The following DOP1B variants were observed in gnomAD, a reference collection of about 807,000 sequenced individuals.
DOP1B encodes the protein protein DOP1B.
A neutral mutation model predicts 233.5 loss-of-function variants in DOP1B; 174 were observed. The ratio of observed to expected loss-of-function variants is 0.75; its 90% CI spans 0.66 to 0.85. The LOEUF is 0.85. Ranked by LOEUF, DOP1B falls within the 40% of genes least tolerant of loss-of-function variation. The pLI is 0.00. For missense variants in DOP1B, 2,652 were observed against 2,846.6 expected (o/e 0.93, Z 1.56); for synonymous variants, 1,190 against 1,185.6 (o/e 1.00, Z -0.08).
chr21:36,220,380 C>T (rs2066610849), intron 10 of DOP1B, among the ~76,000 whole-genome samples: 1 of 152,184 alleles, frequency 6.6e-6, no homozygotes, highest in African/African-American at 2.4e-5. Context: ...TCAGAGAAAA[C>T]CATAAAACAT....
intron 6 of DOP1B, 80 bp from the exon 7 acceptor site, chr21:36,211,894 G>A (rs2066502129): frequency 5.0e-6 from 8 of 1,591,620 alleles, no homozygotes; most frequent in Non-Finnish European, 6.9e-6. Flanking sequence ...TTGCAGACCA[G>A]CAAGGAAGGG....
chr21:36,245,334 C>T lies in DOP1B; in HGVS notation c.3354C>T (p.Cys1118=), dbSNP rs1362952612. The T allele has an allele frequency of 1.2e-6, 2 of 1,614,098 alleles. No homozygotes were observed. The highest frequency in any genetic ancestry group is 2.2e-5 in the South Asian group (2 of 91,088). Residue 1118 remains cysteine, a synonymous_variant, in exon 19 of 37, where the codon TGC becomes TGT. Coordinates refer to ENST00000691173, the MANE Select transcript of DOP1B (RefSeq NM_001320714.2). The surrounding 1 kb of genome is among the most constrained non-coding windows in gnomAD (Gnocchi z 5.5). ...EHTESADTSS[C]HTDSENTSSF... ...CCGAGTCTGCAGATACAAGCTCCTG[C>T]CACACGGACAGCGAGAACACGTCCT...
intron 1 of DOP1B, chr21:36,164,466 C>T (rs984066122): frequency 2.8e-5 from 7 of 248,042 alleles, no homozygotes; most frequent in African/African-American, 1.6e-4. Context: ...GGAGCCCTAG[C>T]ACTTCTATGC....
chr21:36,201,342 A>ATTATTTTTTTTTTTTTTT, intron 4 of DOP1B, among the ~76,000 whole-genome samples: 1 of 46,952 alleles, frequency 2.1e-5, no homozygotes, highest in South Asian at 5.5e-4. Context: ...TATCTATTGG[A>ATTATTTTTTTTTTTTTTT]TTCTTTTTTT....
chr21:36,284,505 G>A (rs2067460191), intron 32 of DOP1B, among the ~76,000 whole-genome samples: 1 of 151,450 alleles, frequency 6.6e-6, no homozygotes, highest in Admixed American at 6.6e-5. Flanking sequence ...TCCTGACCCC[G>A]TGATCCACCT....
chr21:36,210,929 C>T (rs2066489377), intron 5 of DOP1B, among the ~76,000 whole-genome samples: 1 of 152,250 alleles, frequency 6.6e-6, no homozygotes, highest in Admixed American at 6.5e-5. Context: ...CCTGCAGGCC[C>T]TGCGCTCCCA....
Position 36,211,981 on chromosome 21 carries a change from A to T in DOP1B, c.788A>T (p.Asn263Ile), listed in dbSNP as rs149293687. 6 of 1,613,944 alleles carry T rather than the reference A, an allele frequency of 3.7e-6. No homozygotes were observed. In the African/African-American group the frequency reaches 4.0e-5, roughly 11 times the overall value. The change falls in exon 7 of 37, where the codon AAT (asparagine) becomes ATT (isoleucine). Residue 263 changes from asparagine to isoleucine, a missense_variant. Physicochemically the swap from Asn to Ile is moderately radical, Grantham distance 149. Around this residue, in one of 3 missense-constraint regions of DOP1B, gnomAD observed 2,617 missense variants for 2,794.3 expected, o/e 0.94. Coordinates refer to ENST00000691173, the MANE Select transcript of DOP1B (RefSeq NM_001320714.2). ...TCTCTGTCCTTCTAATAGGATTCCAATGAGAGAGCCATCCCCCTCCTCAGA... is the reference window on the plus strand; with the variant it reads ...TCTCTGTCCTTCTAATAGGATTCCATTGAGAGAGCCATCCCCCTCCTCAGA... ...FFPFYTCLDS[N>I]ERAIPLLRSD...
intron 13 of DOP1B, among the ~76,000 whole-genome samples, chr21:36,228,281 G>A (rs1200445215): frequency 6.6e-6 from 1 of 151,902 alleles, no homozygotes; most frequent in African/African-American, 2.4e-5. Context: ...CAACCAACAT[G>A]GCAAAACCCC....
intron 13 of DOP1B, among the ~76,000 whole-genome samples, chr21:36,229,227 T>C (rs1297647334): frequency 6.6e-6 from 1 of 152,182 alleles, no homozygotes; most frequent in Non-Finnish European, 1.5e-5. Flanking sequence ...ACTGGGTGGC[T>C]TCCACAACAG....
At chr21:36,270,772 C>T (rs1050741849) in intron 27 of DOP1B, among the ~76,000 whole-genome samples, 60 of 148,972 alleles carry the variant, frequency 4.0e-4, no homozygotes, top group African/African-American at 1.4e-3. Context: ...AAATTAGCCG[C>T]GCGTGGTAGT....
intron 2 of DOP1B, among the ~76,000 whole-genome samples, chr21:36,166,930 G>C (rs2065916664): frequency 6.6e-6 from 1 of 152,164 alleles, no homozygotes; most frequent in Non-Finnish European, 1.5e-5. Flanking sequence ...TGGCTGGGGT[G>C]GATAAATGTT....
chr21:36,161,584 G>A (rs187789488), intron 1 of DOP1B, among the ~76,000 whole-genome samples: 1 of 152,148 alleles, frequency 6.6e-6, no homozygotes, highest in Non-Finnish European at 1.5e-5. Flanking sequence ...AACCTCCGGG[G>A]CAGAAGCAAT....
At chr21:36,262,098 A>G (rs2067178073) in intron 24 of DOP1B, among the ~76,000 whole-genome samples, 1 of 152,158 alleles carries the variant, frequency 6.6e-6, no homozygotes, top group Admixed American at 6.5e-5. Flanking sequence ...AGGACGGTAA[A>G]TTGAGGCCTC....
chr21:36,188,094 C>T (rs536092228), intron 2 of DOP1B, among the ~76,000 whole-genome samples: 8 of 152,310 alleles, frequency 5.3e-5, no homozygotes, highest in African/African-American at 1.7e-4. Context: ...TTGCTAGCAG[C>T]TTTATTGGAA....
At chr21:36,171,948 T>C (rs2065974937) in intron 2 of DOP1B, among the ~76,000 whole-genome samples, 1 of 152,136 alleles carries the variant, frequency 6.6e-6, no homozygotes, top group Non-Finnish European at 1.5e-5. Context: ...TGCTGAATGC[T>C]AAGAAGAAAA....
At chr21:36,157,938 C>T (rs911735568) in intron 1 of DOP1B, among the ~76,000 whole-genome samples, 3 of 151,844 alleles carry the variant, frequency 2.0e-5, no homozygotes, top group Non-Finnish European at 4.4e-5. Flanking sequence ...TTCTCTTGAA[C>T]TTGTTTTTTT....
chr21:36,181,898 T>G (rs186079985), intron 2 of DOP1B, among the ~76,000 whole-genome samples: 1 of 152,364 alleles, frequency 6.6e-6, no homozygotes, highest in African/African-American at 2.4e-5. Flanking sequence ...CTGTTTCTTG[T>G]GTCATAAAGG....
chr21:36,272,224 C>G (rs970436567), intron 27 of DOP1B, among the ~76,000 whole-genome samples: 2 of 148,770 alleles, frequency 1.3e-5, no homozygotes, highest in Non-Finnish European at 3.0e-5. Context: ...GTAGTGGCTC[C>G]CACCTGTAAT....
At position 36,212,019 on chromosome 21, in the gene DOP1B, C is replaced by T. The variant is rs376364814; in HGVS notation, c.826C>T (p.Arg276Cys). Residue 276 changes from arginine (R) to cysteine (C), a missense_variant, in exon 7 of 37, where the codon CGC becomes TGC. Transcript: ENST00000691173. ...CCCCCTCCTCAGATCTGACATCGTG[C>T]GCATTCTCTCAGCCGCCACCCAGAC... is the stretch of plus-strand genomic sequence containing the variant. ...AIPLLRSDIV[R>C]ILSAATQTLL... is the part of the protein sequence containing the mutation. 1.1e-5 allele frequency: 17 copies of T among 1,613,856 alleles called. No homozygotes were observed. Among genetic ancestry groups the T allele is most frequent in the East Asian group, 8.9e-5 (4 of 44,890 alleles).
Sources: gnomAD v4.1 joint callset for allele counts (sites outside exome capture counted in the v4.1 genomes callset) on GRCh38, gnomAD v4.1.1 for gene constraint, gnomAD v4.1.1 regional missense constraint, Gnocchi (gnomAD v3.1) non-coding constraint, MANE v1.5 for transcripts, NCBI Gene and HGNC (gene_info 2026-07-23, HGNC 2026-07-21) for gene names.